Variants in CES2 observed in about 807,000 individuals in gnomAD.
CES2 encodes cocaine esterase.
A neutral mutation model predicts 52.1 loss-of-function variants in CES2; 42 were observed. The observed-to-expected ratio is 0.81, with a 90% CI of 0.63 to 1.04. The LOEUF (loss-of-function observed/expected upper bound fraction) is 1.04, where lower values mean the gene tolerates loss of function less well. CES2 is among the 50% of genes least tolerant of loss of function. The pLI, the probability that CES2 is intolerant of heterozygous loss-of-function variation, is 0.00. For missense variants in CES2, 656 were observed against 724.3 expected, an observed-to-expected ratio of 0.91 and a Z score of 1.08; for synonymous variants, 277 against 289.6, an observed-to-expected ratio of 0.96 and a Z score of 0.44.
At chr16:66,938,367 G>C in intron 2 of CES2, 126 bp downstream of exon 2, 2 of 707,140 alleles carry the variant, frequency 2.8e-6, no homozygotes, top group South Asian at 3.4e-5. Flanking sequence ...TCTGAGTTTC[G>C]TGGATTCCCA....
chr16:66,937,488 C>T (rs1409685639), intron 1 of CES2, among the ~76,000 whole-genome samples: 2 of 152,192 alleles, frequency 1.3e-5, no homozygotes, highest in African/African-American at 2.4e-5. Flanking sequence ...AGGCATGCAC[C>T]ACCACACCCC....
At position 66,943,148 on chromosome 16, in the gene CES2, G is replaced by T. The variant is rs1963404648; in HGVS notation, c.1421-151G>T. On this transcript the variant is annotated intron_variant, in intron 10 of 11. Transcript: ENST00000317091. The surrounding 1 kb of genome is among the most constrained non-coding windows in gnomAD (Gnocchi z 4.2). ...GAGCCTGGTCTACAGGGAAAGTTTG[G>T]AAAAGGGGAGGGCTGGCTTCTGAGG... The T allele has an allele frequency of 4.9e-6, 4 of 824,216 alleles. No homozygotes were observed. Among genetic ancestry groups the T allele is most frequent in the Non-Finnish European group, 5.7e-6 (3 of 525,180 alleles). The allele number at this position is 824,216 out of a possible 1,614,324, so 51.1% of individuals were successfully genotyped here.
In CES2 at chr16:66,938,242, G is replaced by C. The variant is rs929855226; in HGVS notation, c.281+1G>C. 21 of 1,611,880 alleles carry C rather than the reference G, an allele frequency of 1.3e-5. No individual in the cohort carries two copies. The highest frequency in any genetic ancestry group is 1.7e-5 in the Non-Finnish European group (20 of 1,178,054). ...GGGATGGAACCACCCATCCGGCCAT[G>C]TAAGCTCTCCAAGGGGTCCAGGGAA... On this transcript the variant is annotated splice_donor_variant, in intron 2 of 11. Transcript: ENST00000317091. LOFTEE classifies it high-confidence loss of function.
chr16:66,943,234 A>G lies in CES2; in HGVS notation c.1421-65A>G. ...ACCGAGGTCTCGGGGGCCAAGGACGAGCTCCACCTGGGATGCTGAGGTTGG... is the reference window on the plus strand; with the variant it reads ...ACCGAGGTCTCGGGGGCCAAGGACGGGCTCCACCTGGGATGCTGAGGTTGG... On this transcript the variant is annotated intron_variant, in intron 10 of 11. Transcript: ENST00000317091. The surrounding 1 kb of genome is among the most constrained non-coding windows in gnomAD (Gnocchi z 4.2). 2 of 1,559,532 alleles carry G rather than the reference A, an allele frequency of 1.3e-6. No homozygotes were observed. Among genetic ancestry groups the G allele is most frequent in the Non-Finnish European group, 8.8e-7 (1 of 1,135,018 alleles).
At position 66,938,064 on chromosome 16, in the gene CES2, C is replaced by CCA. The variant is rs1963257603; in HGVS notation, c.112_113dup (p.Gly39ArgfsTer11). The CCA allele has an allele frequency of 3.1e-6, 5 of 1,614,084 alleles. No homozygotes were observed. In the African/African-American group the frequency reaches 4.0e-5, roughly 13 times the overall value. On this transcript the variant is annotated frameshift_variant, in exon 2 of 12. Transcript: ENST00000317091. LOFTEE classifies it high-confidence loss of function. ...CAGGACTCAGCCAGTCCCATCCGGA[C>CCA]CACACACACGGGGCAGGTGCTGGGG...
At position 66,943,846 on chromosome 16, in the gene CES2, A is replaced by C. The variant is rs202108939; in HGVS notation, c.1501A>C (p.Asn501His). 1.3e-5 allele frequency: 20 copies of C among 1,594,330 alleles called. No individual in the cohort carries two copies. The East Asian group carries it at 4.5e-4, about 36-fold the overall frequency. Residue 501 changes from asparagine to histidine, a missense_variant, in exon 12 of 12, where the codon AAT becomes CAT. Coordinates refer to ENST00000317091, the MANE Select transcript of CES2 (RefSeq NM_001365405.1). The surrounding 1 kb of genome is among the most constrained non-coding windows in gnomAD (Gnocchi z 4.2). ...GGGATGGCATGTCTACAGGAACCCC[A>C]ATGGCGAGGGTCTGCCACACTGGCC... is the stretch of plus-strand genomic sequence containing the variant. Reference protein sequence around the residue: ...WANFARNGNPNGEGLPHWPLF... With the variant: ...WANFARNGNPHGEGLPHWPLF...
At position 66,941,519 on chromosome 16, in the gene CES2, TC is replaced by T; in HGVS notation, c.933del (p.Gly312GlufsTer43). 1 of 1,614,066 alleles carries T rather than the reference TC, an allele frequency of 6.2e-7. No homozygotes were observed. The highest frequency in any genetic ancestry group is 8.5e-7 in the Non-Finnish European group (1 of 1,179,972). On this transcript the variant is annotated frameshift_variant, in exon 7 of 12. Transcript: ENST00000317091. LOFTEE classifies it high-confidence loss of function. ...ATTTCCCCTCAGCCTTTCAAGATGATCCCCGGAGTGGTGGATGGGGTCTTCC... is the reference window on the plus strand; with the variant it reads ...ATTTCCCCTCAGCCTTTCAAGATGATCCCGGAGTGGTGGATGGGGTCTTCC... ...ILAINKPFKM[I>X]PGVVDGVFLP...
chr16:66,941,475 C>G (rs373862897), intron 6 of CES2, 31 bp from the exon 7 acceptor site: 7 of 1,611,454 alleles, frequency 4.3e-6, no homozygotes, highest in Non-Finnish European at 5.9e-6. Context: ...TGGGACCTGA[C>G]CTTGTTCCCT....
Position 66,942,729 on chromosome 16 carries a change from C to G in CES2, c.1364C>G (p.Ala455Gly). 2 of 1,614,250 alleles carry G rather than the reference C, an allele frequency of 1.2e-6. No individual in the cohort carries two copies. The highest frequency in any genetic ancestry group is 1.7e-6 in the Non-Finnish European group (2 of 1,180,048). Reference sequence around the variant, plus strand: ...AACATCAGGCCACCGCACATGAAGGCAGACCATGGTGATGAGCTTCCTTTT... The same window carrying G: ...AACATCAGGCCACCGCACATGAAGGGAGACCATGGTGATGAGCTTCCTTTT... ...LKNIRPPHMK[A>G]DHGDELPFVF... Residue 455 changes from alanine (A) to glycine (G), a missense_variant, in exon 10 of 12, where the codon GCA becomes GGA. Physicochemically the swap from Ala to Gly is moderately conservative, Grantham distance 60. Coordinates refer to ENST00000317091, the MANE Select transcript of CES2 (RefSeq NM_001365405.1).
Position 66,943,211 on chromosome 16 carries a change from C to T in CES2, c.1421-88C>T, listed in dbSNP as rs3893757. On this transcript the variant is annotated intron_variant, in intron 10 of 11. Coordinates refer to ENST00000317091, the MANE Select transcript of CES2 (RefSeq NM_001365405.1). This position sits in a 1 kb window ranked among gnomAD's most constrained non-coding sequence, Gnocchi z 4.2. ...AAAGCGGAGAAGCAGGACTGGGGAC[C>T]GAGGTCTCGGGGGCCAAGGACGAGC... The T allele has an allele frequency of 8.8e-6, 12 of 1,356,216 alleles. No homozygotes were observed. The African/African-American group carries it at 1.0e-4, about 11-fold the overall frequency. The allele number at this position is 1,356,216 out of a possible 1,614,324, so 84.0% of individuals were successfully genotyped here. A position where few individuals can be genotyped will look rare whatever the true frequency, so the allele number is the denominator to read the frequency against.
chr16:66,941,009 C>A, intron 5 of CES2, 115 bp from the exon 6 acceptor site: 1 of 1,425,944 alleles, frequency 7.0e-7, no homozygotes, highest in East Asian at 2.4e-5. Context: ...ACTGCAGGAA[C>A]TCATACGAAG....
Position 66,942,718 on chromosome 16 carries a change from G to A in CES2, c.1353G>A (p.Pro451=), listed in dbSNP as rs768040510. ...QPSWLKNIRP[P]HMKADHGDEL... is the part of the protein sequence containing the mutation. Reference sequence around the variant, plus strand: ...GCTGGCTCAAGAACATCAGGCCACCGCACATGAAGGCAGACCATGGTGATG... The same window carrying A: ...GCTGGCTCAAGAACATCAGGCCACCACACATGAAGGCAGACCATGGTGATG... Residue 451 remains proline, a synonymous_variant, in exon 10 of 12, where the codon CCG becomes CCA. Coordinates refer to ENST00000317091, the MANE Select transcript of CES2 (RefSeq NM_001365405.1). 42 of 1,614,078 alleles carry A rather than the reference G, an allele frequency of 2.6e-5. No homozygotes were observed. In the South Asian group the frequency reaches 3.0e-4, roughly 11 times the overall value.
Position 66,943,255 on chromosome 16 carries a change from G to T in CES2, c.1421-44G>T. 1 of 1,601,556 alleles carries T rather than the reference G, an allele frequency of 6.2e-7. No homozygotes were observed. The highest frequency in any genetic ancestry group is 8.6e-7 in the Non-Finnish European group (1 of 1,169,486). On this transcript the variant is annotated intron_variant, in intron 10 of 11. Coordinates refer to ENST00000317091, the MANE Select transcript of CES2 (RefSeq NM_001365405.1). The surrounding 1 kb of genome is among the most constrained non-coding windows in gnomAD (Gnocchi z 4.2). Reference sequence around the variant, plus strand: ...GACGAGCTCCACCTGGGATGCTGAGGTTGGACATCCTGATGAAGACACATG... The same window carrying T: ...GACGAGCTCCACCTGGGATGCTGAGTTTGGACATCCTGATGAAGACACATG...
chr16:66,940,900 G>T (rs151090566), intron 5 of CES2, among the ~76,000 whole-genome samples: 1 of 152,306 alleles, frequency 6.6e-6, no homozygotes, highest in African/African-American at 2.4e-5. Context: ...TGGCTCCTGT[G>T]CAAAGTTGTC....
upstream of CES2, chr16:66,934,594 G>C: frequency 1.6e-6 from 1 of 635,042 alleles, no homozygotes; most frequent in Non-Finnish European, 2.6e-6. This position sits in a 1 kb window ranked among gnomAD's most constrained non-coding sequence, Gnocchi z 4.1. Flanking sequence ...GACCACGGCG[G>C]CGCTGGGTCG....
upstream of CES2, chr16:66,934,713 C>T: frequency 3.9e-6 from 1 of 254,656 alleles, no homozygotes; most frequent in Non-Finnish European, 7.6e-6. This position sits in a 1 kb window ranked among gnomAD's most constrained non-coding sequence, Gnocchi z 4.1. Context: ...GTCAGGCTGG[C>T]CGGGAGCTCC....
intron 1 of CES2, chr16:66,935,946 G>T (rs1963200668): frequency 7.0e-7 from 1 of 1,422,394 alleles, no homozygotes; most frequent in Non-Finnish European, 9.2e-7. Flanking sequence ...GAGTACAGGG[G>T]CCCCAGGAGC....
chr16:66,938,270 C>G, intron 2 of CES2, 29 bp downstream of exon 2: 1 of 1,537,688 alleles, frequency 6.5e-7, no homozygotes, highest in South Asian at 1.1e-5. Context: ...CCAGGGAACT[C>G]CAGGCCCTGG....
Position 66,943,839 on chromosome 16 carries a change from GA to G in CES2, c.1496del (p.Asn499ThrfsTer22). 6.3e-7 allele frequency: 1 copy of G among 1,589,320 alleles called. No homozygotes were observed. Among genetic ancestry groups the G allele is most frequent in the Non-Finnish European group, 8.6e-7 (1 of 1,162,700 alleles). On this transcript the variant is annotated frameshift_variant and splice_region_variant, in exon 12 of 12. Transcript: ENST00000317091. LOFTEE classifies it low-confidence loss of function (END_TRUNC). The surrounding 1 kb of genome is among the most constrained non-coding windows in gnomAD (Gnocchi z 4.2). ...CCCTGCTGGGATGGCATGTCTACAG[GA>G]ACCCCAATGGCGAGGGTCTGCCACA... ...KYWANFARNG[N>X]PNGEGLPHWP...
Sources: gnomAD v4.1 joint callset for allele counts (sites outside exome capture counted in the v4.1 genomes callset) on GRCh38, gnomAD v4.1.1 for gene constraint, Gnocchi (gnomAD v3.1) non-coding constraint, MANE v1.5 for transcripts, NCBI Gene and HGNC (gene_info 2026-07-23, HGNC 2026-07-21) for gene names.